MADD: variants seen among roughly 807,000 people sequenced by gnomAD.
MADD encodes the protein MAP kinase activating death domain.
MADD carries 109 observed loss-of-function variants against 176.7 expected under a neutral mutation model. The observed-to-expected ratio is 0.62, with a 90% confidence interval of 0.53 to 0.72. MADD has a LOEUF of 0.72. MADD is among the 30% of genes least tolerant of loss of function. The pLI, the probability that MADD is intolerant of heterozygous loss-of-function variation, is 0.00. For missense variants in MADD, 1,914 were observed against 2,045.5 expected (o/e 0.94, Z 1.24); for synonymous variants, 771 against 771.3 (o/e 1.00, Z 0.01).
intron 23 of MADD, chr11:47,309,023 T>C (rs2085607447): frequency 1.9e-6 from 3 of 1,614,018 alleles, no homozygotes; most frequent in Admixed American, 3.3e-5. Flanking sequence ...AGGATGCAGC[T>C]ATGGAGACCT....
In MADD at chr11:47,284,430, CG is replaced by C; in HGVS notation, c.2023del (p.Glu675SerfsTer59). The C allele has an allele frequency of 6.2e-7, 1 of 1,614,088 alleles. No individual in the cohort carries two copies. The highest frequency in any genetic ancestry group is 8.5e-7 in the Non-Finnish European group (1 of 1,180,016). On this transcript the variant is annotated frameshift_variant, in exon 12 of 33. Coordinates refer to ENST00000402192, the Ensembl canonical transcript of MADD. LOFTEE classifies it high-confidence loss of function. ...GGGATGCCAGCGAGGTGGAGATTGA[CG>C]AGCTGCAGAATCAGAAGGAAGCAGA...
chr11:47,278,107 G>T, intron 5 of MADD, 58 bp from the exon 6 acceptor site: 1 of 1,147,406 alleles, frequency 8.7e-7, no homozygotes. Context: ...ATCCAGACTT[G>T]ATAAGTGCTC....
intron 31 of MADD, chr11:47,327,360 C>T: frequency 1.0e-6 from 1 of 985,416 alleles, no homozygotes. Context: ...GGGTTCTCAC[C>T]CTGGGGCTTT....
At chr11:47,283,038 A>G (rs2058093019) in intron 10 of MADD, 69 bp downstream of exon 10, 3 of 1,478,238 alleles carry the variant, frequency 2.0e-6, no homozygotes, top group East Asian at 2.3e-5. Context: ...TCTTTAGCAC[A>G]GAGAAGGCAA....
chr11:47,283,315 G>A (rs1005845625), intron 10 of MADD, among the ~76,000 whole-genome samples: 3 of 151,688 alleles, frequency 2.0e-5, no homozygotes, highest in African/African-American at 7.3e-5. Flanking sequence ...GGATGATCTC[G>A]ATCTCCTGAC....
exon 20 of MADD, chr11:47,293,920 G>C (rs780499097): frequency 1.2e-6 from 2 of 1,614,192 alleles, no homozygotes; most frequent in East Asian, 4.5e-5. Context: ...ACCTTGGTGA[G>C]ACAGAGGAGA....
rs1481582720 is a variant in MADD, at chr11:47,286,309, A to T, written c.2552-124A>T. The T allele has an allele frequency of 4.1e-6, 3 of 724,056 alleles. No homozygotes were observed. The Admixed American group carries it at 5.9e-5, about 14-fold the overall frequency. The allele number at this position is 724,056 out of a possible 1,614,324, so 44.9% of individuals were successfully genotyped here. A position where few individuals can be genotyped will look rare whatever the true frequency, so the allele number is the denominator to read the frequency against. Reference sequence around the variant, plus strand: ...TCCTTTCTAAGACAGATCAGAGATGATCTGATCCACCAAACTGGGATTGTG... The same window carrying T: ...TCCTTTCTAAGACAGATCAGAGATGTTCTGATCCACCAAACTGGGATTGTG... On this transcript the variant is annotated intron_variant, in intron 14 of 32. Transcript: ENST00000402192.
At chr11:47,294,485 C>G (rs1051645577) in intron 20 of MADD, among the ~76,000 whole-genome samples, 3 of 151,754 alleles carry the variant, frequency 2.0e-5, no homozygotes, top group Non-Finnish European at 2.9e-5. Context: ...GCCTGGCCAA[C>G]GTAGTGAAAC....
intron 23 of MADD, 39 bp downstream of exon 25, chr11:47,308,738 A>G (rs1221284756): frequency 1.3e-6 from 2 of 1,532,920 alleles, no homozygotes; most frequent in Non-Finnish European, 1.8e-6. Context: ...CACTGGAGAA[A>G]GCTGACTCAG....
intron 18 of MADD, 27 bp downstream of exon 19, chr11:47,290,326 C>T (rs761199229): frequency 2.2e-5 from 35 of 1,607,432 alleles, no homozygotes; most frequent in Middle Eastern, 1.7e-4. Context: ...CTGGGCACCA[C>T]GCCATCCCTA....
chr11:47,269,502 T>G (rs1958251452), upstream of MADD: 1 of 152,296 alleles, frequency 6.6e-6, no homozygotes. Flanking sequence ...CCCAGGCCCT[T>G]TGGGACAGGA....
At chr11:47,273,758 G>C (rs2047182045) in intron 1 of MADD, 69 bp from the exon 2 acceptor site, 1 of 605,824 alleles carries the variant, frequency 1.7e-6, no homozygotes, top group Non-Finnish European at 3.0e-6. Context: ...CTCTGGCCGG[G>C]AAGAAGTTGA....
At chr11:47,273,205 T>G (rs1250999475) in intron 1 of MADD, among the ~76,000 whole-genome samples, 2 of 152,042 alleles carry the variant, frequency 1.3e-5, no homozygotes, top group Non-Finnish European at 2.9e-5. Context: ...ATCCTGAGAG[T>G]GACTTCAATT....
chr11:47,318,455 C>G (rs989201427), intron 27 of MADD, among the ~76,000 whole-genome samples: 1 of 152,204 alleles, frequency 6.6e-6, no homozygotes, highest in Admixed American at 6.5e-5. Context: ...AGTTGCCTCT[C>G]AGAGCCTAGG....
chr11:47,318,584 A>T (rs2093695798), intron 27 of MADD, among the ~76,000 whole-genome samples: 1 of 152,158 alleles, frequency 6.6e-6, no homozygotes, highest in South Asian at 2.1e-4. Flanking sequence ...TCACCACCGT[A>T]CAAAGGGAGC....
At chr11:47,278,618 A>G (rs991590207) in intron 6 of MADD, among the ~76,000 whole-genome samples, 3 of 152,182 alleles carry the variant, frequency 2.0e-5, no homozygotes, top group Non-Finnish European at 4.4e-5. Flanking sequence ...AGTTTCCAGT[A>G]AGAAACTGTC....
At position 47,307,179 on chromosome 11, in the gene MADD, G is replaced by C. The variant is rs141949844; in HGVS notation, c.3643-1412G>C. Among the ~76,000 whole-genome samples the C allele has an allele frequency of 1.8e-4, 28 of 151,884 alleles. 2 individuals are homozygous for C. The highest frequency in any genetic ancestry group is 6.3e-4 in the African/African-American group (26 of 41,386). ...TCCTCCTGTTTCATCCTACCAAAGT[G>C]CCAGGACTATAGATGTGAGCTATCA... On this transcript the variant is annotated intron_variant, in intron 22 of 32. Transcript: ENST00000402192.
chr11:47,329,286 T>C (rs1160377300), exon 33 of MADD: 3 of 703,102 alleles, frequency 4.3e-6, no homozygotes, highest in Non-Finnish European at 7.6e-6. Context: ...TGTGGCTTGG[T>C]TGGTTACCGG....
rs751998304 is a variant in MADD at position 47,281,563 on chromosome 11, GT to G, written c.1291-10del. Reference sequence around the variant, plus strand: ...CGTTCCTTGTGTAAGGAATTTTCTTGTTGTTCCACAGGCCTTGGCCAGCATG... The same window carrying G: ...CGTTCCTTGTGTAAGGAATTTTCTTGTGTTCCACAGGCCTTGGCCAGCATG... On this transcript the variant is annotated splice_polypyrimidine_tract_variant and intron_variant, in intron 7 of 32. Transcript: ENST00000402192. The G allele has an allele frequency of 2.5e-6, 4 of 1,583,818 alleles. No homozygotes were observed. Among genetic ancestry groups the G allele is most frequent in the South Asian group, 2.3e-5 (2 of 88,812 alleles).
Sources: gnomAD v4.1 joint callset for allele counts (sites outside exome capture counted in the v4.1 genomes callset) on GRCh38, gnomAD v4.1.1 for gene constraint, MANE v1.5 for transcripts, NCBI Gene and HGNC (gene_info 2026-07-23, HGNC 2026-07-21) for gene names.